The following AFDN variants were observed in gnomAD, a reference collection of about 807,000 sequenced individuals.
The protein encoded by AFDN is afadin.
A neutral mutation model predicts 216.6 loss-of-function variants in AFDN; 68 were observed. That is an observed-to-expected ratio of 0.31 (90% CI 0.26 to 0.38). The LOEUF (loss-of-function observed/expected upper bound fraction) is 0.38. Ranked by LOEUF, AFDN falls within the 10% of genes least tolerant of loss-of-function variation. AFDN has a pLI of 1.00. For synonymous variants in AFDN, 868 were observed against 853.7 expected (o/e 1.02, Z -0.29); for missense variants, 2,136 against 2,342.0 (o/e 0.91, Z 1.82).
chr6:167,860,084 A>G (rs1783368953), intron 1 of AFDN, among the ~76,000 whole-genome samples: 1 of 151,266 alleles, frequency 6.6e-6, no homozygotes, highest in South Asian at 2.1e-4. Context: ...ACCTATTCTA[A>G]ATAGAAACTT....
intron 23 of AFDN, among the ~76,000 whole-genome samples, chr6:167,925,326 A>C (rs1225925563): frequency 6.6e-6 from 1 of 152,220 alleles, no homozygotes; most frequent in East Asian, 1.9e-4. Flanking sequence ...TGATACTTTG[A>C]GATTGAGCAG....
In AFDN at chr6:167,892,140, G is replaced by T. The variant is rs2128346380; in HGVS notation, c.1177+1111G>T. 1.3e-5 allele frequency among the ~76,000 whole-genome samples: 2 copies of T among 152,274 alleles called. 1 individual carries two copies. The highest frequency in any genetic ancestry group is 6.8e-3 in the Middle Eastern group (2 of 294). ...TATCATTTTGATGCCACAGTTAGTG[G>T]CAGTGTGGCTTTAGGTAGTAGCTTT... On this transcript the variant is annotated intron_variant, in intron 8 of 33. Coordinates refer to ENST00000683244, the MANE Select transcript of AFDN (RefSeq NM_001386888.1).
At chr6:167,830,055 A>G (rs959394066) in intron 1 of AFDN, among the ~76,000 whole-genome samples, 12 of 152,318 alleles carry the variant, frequency 7.9e-5, no homozygotes, top group Non-Finnish European at 1.3e-4. Flanking sequence ...TAACCAGGAG[A>G]TTGATGCTAA....
At chr6:167,942,058 G>A (rs1474527537) in intron 23 of AFDN, among the ~76,000 whole-genome samples, 3 of 152,108 alleles carry the variant, frequency 2.0e-5, no homozygotes, top group East Asian at 1.9e-4. Flanking sequence ...CCTGCTACAG[G>A]CGTTTTGTTT....
intron 26 of AFDN, 85 bp from the exon 27 acceptor site, chr6:167,946,622 T>C: frequency 8.0e-7 from 1 of 1,251,642 alleles, no homozygotes; most frequent in South Asian, 1.3e-5. Context: ...TTTCTTATGC[T>C]AAGAACAATT....
intron 11 of AFDN, among the ~76,000 whole-genome samples, chr6:167,899,352 G>A (rs182832314): frequency 6.6e-6 from 1 of 152,242 alleles, no homozygotes; most frequent in East Asian, 1.9e-4. Context: ...CATACCTGTG[G>A]CATCCAAGGA....
intron 6 of AFDN, among the ~76,000 whole-genome samples, chr6:167,883,878 C>T (rs1158689659): frequency 9.1e-6 from 1 of 109,550 alleles, no homozygotes; most frequent in African/African-American, 3.7e-5. Flanking sequence ...ATTGACTCTT[C>T]CTTTCACAAA....
At chr6:167,953,554 TTCC>T (rs1796215051) in intron 30 of AFDN, among the ~76,000 whole-genome samples, 1 of 152,236 alleles carries the variant, frequency 6.6e-6, no homozygotes, top group African/African-American at 2.4e-5. Context: ...TTTATTAGTA[TTCC>T]TCAAGTCATT....
chr6:167,838,855 A>C (rs143266300), intron 1 of AFDN, among the ~76,000 whole-genome samples: 1 of 152,198 alleles, frequency 6.6e-6, no homozygotes, highest in Non-Finnish European at 1.5e-5. Flanking sequence ...TAAGAACCAC[A>C]TATTAGCCTA....
chr6:167,969,214 C>A lies in AFDN; in HGVS notation c.5342+16C>A. ...GCTCTAAAAGGTATGGACGGTTGCA[C>A]TAGACGAGGAACTTCATCTGTACCT... On this transcript the variant is annotated intron_variant, in intron 33 of 33. Transcript: ENST00000683244. The A allele has an allele frequency of 6.2e-7, 1 of 1,602,478 alleles. No homozygotes were observed. Among genetic ancestry groups the A allele is most frequent in the Non-Finnish European group, 8.6e-7 (1 of 1,169,504 alleles).
At chr6:167,894,289 C>T (rs1787965131) in intron 9 of AFDN, among the ~76,000 whole-genome samples, 1 of 152,102 alleles carries the variant, frequency 6.6e-6, no homozygotes, top group Non-Finnish European at 1.5e-5. Flanking sequence ...GGTAGCAGTG[C>T]CGTTACTGTC....
Position 167,893,889 on chromosome 6 carries a change from A to G in AFDN, c.1205A>G (p.Asn402Ser). Residue 402 changes from asparagine (N) to serine (S), a missense_variant, in exon 9 of 34, where the codon AAC becomes AGC. Asn to Ser is a conservative substitution (Grantham distance 46, BLOSUM62 1). Transcript: ENST00000683244. Reference sequence around the variant, plus strand: ...AGAAGGAATCACTTTGCCTACTACAACTATCACACTTACGAAGGTAATGCT... The same window carrying G: ...AGAAGGAATCACTTTGCCTACTACAGCTATCACACTTACGAAGGTAATGCT... ...PGRRNHFAYY[N>S]YHTYEDGSDS... 1.9e-6 allele frequency: 3 copies of G among 1,588,894 alleles called. No individual in the cohort carries two copies. The highest frequency in any genetic ancestry group is 2.6e-6 in the Non-Finnish European group (3 of 1,166,080).
chr6:167,859,518 C>T (rs1481227816), intron 1 of AFDN, among the ~76,000 whole-genome samples: 1 of 152,154 alleles, frequency 6.6e-6, no homozygotes, highest in Non-Finnish European at 1.5e-5. Flanking sequence ...ACATGGGTTT[C>T]GTCTAAGTGC....
Position 167,884,228 on chromosome 6 carries a change from A to G in AFDN, c.897+3711A>G, listed in dbSNP as rs752265502. On this transcript the variant is annotated intron_variant, in intron 6 of 33. Coordinates refer to ENST00000683244, the MANE Select transcript of AFDN (RefSeq NM_001386888.1). ...TCATCTTCATGTACTTCCTTCACTA[A>G]AGTCTTGAACAGCTCCAAATCATCC... Among the ~76,000 whole-genome samples, 11 of 152,096 alleles carry G rather than the reference A, an allele frequency of 7.2e-5. No individual in the cohort carries two copies. In the East Asian group the frequency reaches 1.3e-3, roughly 19 times the overall value.
rs549593136 is a variant in AFDN, at chr6:167,846,856, A to G, written c.106-17695A>G. 4.9e-4 allele frequency among the ~76,000 whole-genome samples: 74 copies of G among 152,206 alleles called. 2 individuals carry two copies. Among genetic ancestry groups the G allele is most frequent in the African/African-American group, 1.7e-3 (72 of 41,536 alleles). ...TAAAACTCTGAGTTAGTAGAAATCAAATATTGTTTAATATAATTCGTCAAC... is the reference window on the plus strand; with the variant it reads ...TAAAACTCTGAGTTAGTAGAAATCAGATATTGTTTAATATAATTCGTCAAC... On this transcript the variant is annotated intron_variant, in intron 1 of 33. Coordinates refer to ENST00000683244, the MANE Select transcript of AFDN (RefSeq NM_001386888.1).
intron 1 of AFDN, among the ~76,000 whole-genome samples, chr6:167,860,938 A>G (rs1783492184): frequency 1.3e-5 from 2 of 152,216 alleles, no homozygotes; most frequent in Admixed American, 1.3e-4. Context: ...GTAAGATCAG[A>G]GAAAAATAAT....
At chr6:167,943,368 C>G in intron 24 of AFDN, 34 bp from the exon 25 acceptor site, 1 of 1,598,524 alleles carries the variant, frequency 6.3e-7, no homozygotes, top group Non-Finnish European at 8.6e-7. Context: ...GCTCTCTACC[C>G]CTAATCCATG....
At chr6:167,883,632 G>C (rs1173178315) in intron 6 of AFDN, among the ~76,000 whole-genome samples, 4 of 152,210 alleles carry the variant, frequency 2.6e-5, no homozygotes. Flanking sequence ...TTTTAGTAAA[G>C]TGTGCAGTAG....
chr6:167,923,714 C>A (rs1169864394), intron 22 of AFDN, among the ~76,000 whole-genome samples: 1 of 150,170 alleles, frequency 6.7e-6, no homozygotes, highest in Non-Finnish European at 1.5e-5. Context: ...ACCTCTGCCT[C>A]CTGGGTTCAA....
Sources: gnomAD v4.1 joint callset for allele counts (sites outside exome capture counted in the v4.1 genomes callset) on GRCh38, gnomAD v4.1.1 for gene constraint, MANE v1.5 for transcripts, NCBI Gene and HGNC (gene_info 2026-07-23, HGNC 2026-07-21) for gene names.